MAGI2: variants seen among roughly 807,000 people sequenced by gnomAD.
MAGI2 encodes membrane associated guanylate kinase, WW and PDZ domain containing 2, also known as membrane-associated guanylate kinase, WW and PDZ domain-containing protein 2.
In MAGI2, 35 loss-of-function variants were observed where a neutral mutation model predicts 133.3. The observed-to-expected ratio is 0.26, with a 90% CI of 0.20 to 0.35. MAGI2 has a LOEUF of 0.35. Among genes scored for constraint, MAGI2 ranks in the 10% least tolerant of loss-of-function variants. The pLI, the probability that MAGI2 is intolerant of heterozygous loss-of-function variation, is 1.00. For synonymous variants in MAGI2, 729 were observed against 710.6 expected (o/e 1.03, Z -0.41); for missense variants, 1,636 against 1,863.4 (o/e 0.88, Z 2.25).
At chr7:79,315,905 A>G (rs534796967) in intron 1 of MAGI2, among the ~76,000 whole-genome samples, 1 of 152,206 alleles carries the variant, frequency 6.6e-6, no homozygotes, top group East Asian at 1.9e-4. Flanking sequence ...AGGAGTGGGA[A>G]AGGAGCTAAG....
intron 20 of MAGI2, among the ~76,000 whole-genome samples, chr7:78,119,271 C>T (rs1360758668): frequency 6.6e-6 from 1 of 152,080 alleles, no homozygotes; most frequent in Non-Finnish European, 1.5e-5. Context: ...ATAGAATGTA[C>T]GACACCGGCC....
intron 9 of MAGI2, among the ~76,000 whole-genome samples, chr7:78,265,436 A>G (rs1793903927): frequency 6.6e-6 from 1 of 152,222 alleles, no homozygotes; most frequent in Non-Finnish European, 1.5e-5. Context: ...AAAATGGTCA[A>G]TGAATCTGTC....
chr7:78,072,022 G>A (rs1814766066), intron 21 of MAGI2, among the ~76,000 whole-genome samples: 1 of 152,114 alleles, frequency 6.6e-6, no homozygotes, highest in African/African-American at 2.4e-5. Flanking sequence ...GCACACCAAG[G>A]CAGACCCAGG....
At chr7:79,176,809 T>G (rs770912022) in intron 1 of MAGI2, among the ~76,000 whole-genome samples, 1 of 151,974 alleles carries the variant, frequency 6.6e-6, no homozygotes, top group Admixed American at 6.6e-5. Flanking sequence ...GTATCAAGCT[T>G]TGGGTTAGTT....
intron 10 of MAGI2, among the ~76,000 whole-genome samples, chr7:78,218,349 T>C (rs1343440346): frequency 6.6e-6 from 1 of 152,240 alleles, no homozygotes; most frequent in African/African-American, 2.4e-5. Context: ...ATGTAAATCT[T>C]TCAGAGAAGG....
At chr7:79,185,963 T>C (rs1192692804) in intron 1 of MAGI2, among the ~76,000 whole-genome samples, 1 of 151,620 alleles carries the variant, frequency 6.6e-6, no homozygotes, top group Non-Finnish European at 1.5e-5. Flanking sequence ...AATGCACTTA[T>C]ATGAACTTAA....
At position 79,190,322 on chromosome 7, in the gene MAGI2, G is replaced by A. The variant is rs555692531; in HGVS notation, c.302-183116C>T. On this transcript the variant is annotated intron_variant, in intron 1 of 21. Coordinates refer to ENST00000354212, the MANE Select transcript of MAGI2 (RefSeq NM_012301.4). Reference sequence around the variant, plus strand: ...GTTTTAAGTTTTAGGCATTCTAAAAGGCAAGTGGTGCTATCTCATCATCAT... The same window carrying A: ...GTTTTAAGTTTTAGGCATTCTAAAAAGCAAGTGGTGCTATCTCATCATCAT... Among the ~76,000 whole-genome samples, 66 of 151,970 alleles carry A rather than the reference G, an allele frequency of 4.3e-4. 2 individuals carry two copies. The highest frequency in any genetic ancestry group is 1.6e-3 in the African/African-American group (65 of 41,414).
At chr7:78,040,025 A>G (rs1335575126) in intron 21 of MAGI2, among the ~76,000 whole-genome samples, 1 of 152,186 alleles carries the variant, frequency 6.6e-6, no homozygotes, top group South Asian at 2.1e-4. Flanking sequence ...GTGTGGGTAG[A>G]GTCACTTAGA....
chr7:79,082,699 T>C (rs1003200240), intron 1 of MAGI2, among the ~76,000 whole-genome samples: 4 of 152,034 alleles, frequency 2.6e-5, no homozygotes, highest in Admixed American at 6.6e-5. Flanking sequence ...ACCCCTGAGA[T>C]TCCATGTGTA....
intron 9 of MAGI2, among the ~76,000 whole-genome samples, chr7:78,288,392 T>C (rs973460345): frequency 6.6e-6 from 1 of 152,238 alleles, no homozygotes; most frequent in Non-Finnish European, 1.5e-5. Flanking sequence ...AAAGTAATCA[T>C]GTACTGTTTA....
intron 10 of MAGI2, among the ~76,000 whole-genome samples, chr7:78,209,093 G>A (rs1465198026): frequency 1.1e-4 from 15 of 130,822 alleles, no homozygotes; most frequent in South Asian, 2.8e-4. Flanking sequence ...GTGGTGGCGG[G>A]CGCCTGTAGT....
At chr7:79,156,751 T>G (rs1273434391) in intron 1 of MAGI2, among the ~76,000 whole-genome samples, 1 of 152,156 alleles carries the variant, frequency 6.6e-6, no homozygotes, top group East Asian at 1.9e-4. Flanking sequence ...TTGATGGCTG[T>G]GTCCCTGGTA....
At chr7:78,451,969 G>T (rs975899460) in intron 6 of MAGI2, among the ~76,000 whole-genome samples, 4 of 152,028 alleles carry the variant, frequency 2.6e-5, no homozygotes, top group African/African-American at 9.7e-5. Flanking sequence ...TCTATCACAC[G>T]ATCTTGACTT....
At chr7:78,436,944 G>A (rs1358848571) in intron 6 of MAGI2, among the ~76,000 whole-genome samples, 10 of 152,140 alleles carry the variant, frequency 6.6e-5, no homozygotes. Flanking sequence ...ATGATTGTGG[G>A]GTGGCAGGGG....
chr7:78,771,307 C>T (rs1257227360), intron 2 of MAGI2: 1 of 152,178 alleles, frequency 6.6e-6, no homozygotes, highest in East Asian at 1.9e-4. Context: ...TATCTACGCG[C>T]CTGTCTCTCA....
chr7:78,769,144 C>T (rs1292029949), intron 2 of MAGI2, among the ~76,000 whole-genome samples: 1 of 152,124 alleles, frequency 6.6e-6, no homozygotes, highest in Non-Finnish European at 1.5e-5. Flanking sequence ...TGCATTCTAG[C>T]GCGGGGACAC....
chr7:79,085,428 G>C (rs1295304104), intron 1 of MAGI2, among the ~76,000 whole-genome samples: 4 of 151,132 alleles, frequency 2.6e-5, no homozygotes, highest in Non-Finnish European at 5.9e-5. Flanking sequence ...TGGTTCTTTG[G>C]ACATATTTAT....
Position 78,464,733 on chromosome 7 carries a change from A to ATT in MAGI2, c.1045+25026_1045+25027dup, listed in dbSNP as rs5885066. On this transcript the variant is annotated intron_variant, in intron 6 of 21. Coordinates refer to ENST00000354212, the MANE Select transcript of MAGI2 (RefSeq NM_012301.4). Reference sequence around the variant, plus strand: ...ACTTTTTTTACAAAATAAGAACCTGATTTTTTTTTTTTTTTACAACAAATA... The same window carrying ATT: ...ACTTTTTTTACAAAATAAGAACCTGATTTTTTTTTTTTTTTTTACAACAAATA... 9.6e-3 allele frequency among the ~76,000 whole-genome samples: 1,416 copies of ATT among 146,904 alleles called. 11 individuals carry two copies. Among genetic ancestry groups the ATT allele is most frequent in the Middle Eastern group, 0.038 (11 of 290 alleles).
intron 15 of MAGI2, among the ~76,000 whole-genome samples, chr7:78,167,692 A>G (rs1825745808): frequency 6.6e-6 from 1 of 152,232 alleles, no homozygotes; most frequent in Non-Finnish European, 1.5e-5. Flanking sequence ...AGAAATTTTT[A>G]ATGAATACAT....
Sources: allele counts gnomAD v4.1 joint callset (sites outside exome capture counted in the v4.1 genomes callset), GRCh38; gene constraint gnomAD v4.1.1; transcripts MANE v1.5; gene names NCBI Gene and HGNC (gene_info 2026-07-23, HGNC 2026-07-21).